ZBTB20: variants seen among roughly 807,000 people sequenced by gnomAD.
ZBTB20 encodes zinc finger and BTB domain-containing protein 20.
In ZBTB20, 9 loss-of-function variants were observed where a neutral mutation model predicts 56.9. That is an observed-to-expected ratio of 0.16 (90% CI 0.10 to 0.28). The LOEUF is 0.28. Among genes scored for constraint, ZBTB20 ranks in the 10% least tolerant of loss-of-function variants. The probability of loss-of-function intolerance (pLI) is 1.00; values close to 1 mark genes in which losing one functional copy is unlikely to be tolerated. For missense variants in ZBTB20, 655 were observed against 1,003.0 expected (o/e 0.65, Z 4.69); for synonymous variants, 417 against 420.7 (o/e 0.99, Z 0.11).
At chr3:114,795,379 C>G (rs2071273581) in intron 5 of ZBTB20, among the ~76,000 whole-genome samples, 1 of 152,104 alleles carries the variant, frequency 6.6e-6, no homozygotes, top group Non-Finnish European at 1.5e-5. Context: ...ATTCCTCACT[C>G]TGGCATTTCT....
At chr3:114,498,518 G>C (rs561913239) in intron 7 of ZBTB20, among the ~76,000 whole-genome samples, 1 of 152,150 alleles carries the variant, frequency 6.6e-6, no homozygotes, top group South Asian at 2.1e-4. Flanking sequence ...CATCAACTGT[G>C]TCTATGGGAT....
intron 6 of ZBTB20, among the ~76,000 whole-genome samples, chr3:114,579,671 GA>G (rs1163285463): frequency 7.3e-5 from 11 of 151,102 alleles, no homozygotes; most frequent in Non-Finnish European, 1.0e-4. Flanking sequence ...AAATGAAACA[GA>G]AAAATGTCTA....
intron 1 of ZBTB20, among the ~76,000 whole-genome samples, chr3:115,107,028 T>C (rs1001590571): frequency 6.6e-6 from 1 of 152,234 alleles, no homozygotes; most frequent in Non-Finnish European, 1.5e-5. Context: ...TCAAAAAATG[T>C]ATTGTCACAT....
chr3:114,703,143 T>C (rs1382474201), intron 5 of ZBTB20, among the ~76,000 whole-genome samples: 1 of 152,134 alleles, frequency 6.6e-6, no homozygotes, highest in Non-Finnish European at 1.5e-5. Context: ...GAATGAACAG[T>C]TCTTCAGGAA....
intron 6 of ZBTB20, among the ~76,000 whole-genome samples, chr3:114,597,369 A>T (rs771120860): frequency 2.0e-5 from 3 of 152,194 alleles, no homozygotes; most frequent in Non-Finnish European, 4.4e-5. Context: ...TAGAACGACC[A>T]AGTATTCCTT....
intron 3 of ZBTB20, among the ~76,000 whole-genome samples, chr3:114,963,836 T>G (rs1038952468): frequency 2.0e-5 from 3 of 152,140 alleles, no homozygotes; most frequent in Non-Finnish European, 4.4e-5. Flanking sequence ...TTACTGAAAC[T>G]ATAAAAATAA....
At chr3:114,578,664 G>A (rs1460074475) in intron 6 of ZBTB20, among the ~76,000 whole-genome samples, 2 of 151,770 alleles carry the variant, frequency 1.3e-5, no homozygotes, top group African/African-American at 4.8e-5. Flanking sequence ...ATATAATTGA[G>A]TAATGTCTTT....
At chr3:114,504,335 G>T (rs1320520769) in intron 6 of ZBTB20, among the ~76,000 whole-genome samples, 2 of 152,092 alleles carry the variant, frequency 1.3e-5, no homozygotes, top group Non-Finnish European at 1.5e-5. Context: ...CAGGTACCTT[G>T]AGAAATAAAT....
intron 6 of ZBTB20, among the ~76,000 whole-genome samples, chr3:114,560,702 T>C (rs1312526935): frequency 3.9e-5 from 6 of 152,190 alleles, no homozygotes; most frequent in Non-Finnish European, 8.8e-5. Context: ...TGAGTGGTAA[T>C]CTTTTTGCTG....
chr3:114,824,711 T>C (rs2073431672), intron 4 of ZBTB20, among the ~76,000 whole-genome samples: 1 of 151,878 alleles, frequency 6.6e-6, no homozygotes, highest in African/African-American at 2.4e-5. Context: ...TCCCAATTTA[T>C]ACCACAGAAA....
At chr3:114,969,077 T>C (rs1001069657) in intron 3 of ZBTB20, among the ~76,000 whole-genome samples, 2 of 152,214 alleles carry the variant, frequency 1.3e-5, no homozygotes, top group African/African-American at 4.8e-5. Context: ...TATATCTATG[T>C]CTCTAATATT....
At chr3:114,607,461 G>A (rs1320965815) in intron 6 of ZBTB20, among the ~76,000 whole-genome samples, 9 of 151,720 alleles carry the variant, frequency 5.9e-5, no homozygotes, top group East Asian at 3.9e-4. Flanking sequence ...CACCCCCAAC[G>A]CCGGGCTAAT....
chr3:115,094,254 T>C (rs1027869604), intron 1 of ZBTB20, among the ~76,000 whole-genome samples: 1 of 151,892 alleles, frequency 6.6e-6, no homozygotes. Flanking sequence ...AATTAGTAAA[T>C]ATGGTCAGAA....
At chr3:114,761,490 T>C (rs967344903) in intron 5 of ZBTB20, among the ~76,000 whole-genome samples, 12 of 152,162 alleles carry the variant, frequency 7.9e-5, no homozygotes. Flanking sequence ...AAAAATCAGA[T>C]TTATTACTTT....
At chr3:114,436,611 C>A (rs2090533840) in intron 7 of ZBTB20, among the ~76,000 whole-genome samples, 1 of 152,074 alleles carries the variant, frequency 6.6e-6, no homozygotes. Flanking sequence ...TATTTTCATA[C>A]AAAAAAAGTA....
chr3:115,058,067 A>C (rs2081873864), intron 2 of ZBTB20, among the ~76,000 whole-genome samples: 2 of 152,132 alleles, frequency 1.3e-5, no homozygotes, highest in Non-Finnish European at 2.9e-5. Flanking sequence ...GAACTCACTC[A>C]TTATCATGAG....
intron 1 of ZBTB20, among the ~76,000 whole-genome samples, chr3:115,082,150 C>A (rs1000925925): frequency 1.1e-4 from 17 of 152,184 alleles, no homozygotes; most frequent in African/African-American, 4.1e-4. Flanking sequence ...TTTGGTTAAT[C>A]ATTCAAATGG....
intron 7 of ZBTB20, among the ~76,000 whole-genome samples, chr3:114,407,331 C>T (rs1417175662): frequency 2.0e-5 from 3 of 152,134 alleles, no homozygotes; most frequent in African/African-American, 4.8e-5. Flanking sequence ...ATCTGAACTA[C>T]CAGAAAGTGG....
chr3:114,900,179 TGTAA>T (rs2075052228), intron 4 of ZBTB20, 121 bp downstream of exon 4: 1 of 152,174 alleles, frequency 6.6e-6, no homozygotes, highest in Non-Finnish European at 1.5e-5. Flanking sequence ...TGTCATTATC[TGTAA>T]GTAATCAAGA....
Sources: allele counts gnomAD v4.1 joint callset (sites outside exome capture counted in the v4.1 genomes callset), GRCh38; gene constraint gnomAD v4.1.1; transcripts MANE v1.5; gene names NCBI Gene and HGNC (gene_info 2026-07-23, HGNC 2026-07-21).